STK32B: variants seen among roughly 807,000 people sequenced by gnomAD.
STK32B encodes the protein serine/threonine-protein kinase 32B.
STK32B carries 43 observed loss-of-function variants against 52.6 expected under a neutral mutation model. The ratio of observed to expected loss-of-function variants is 0.82; its 90% CI spans 0.64 to 1.05. The LOEUF is 1.05. Ranked by LOEUF, STK32B falls within the 50% of genes least tolerant of loss-of-function variation. The probability of loss-of-function intolerance (pLI) is 0.00; values close to 1 mark genes in which losing one functional copy is unlikely to be tolerated. For missense variants in STK32B, 621 were observed against 534.6 expected (o/e 1.16, Z -1.59); for synonymous variants, 238 against 204.3 (o/e 1.17, Z -1.41).
intron 1 of STK32B, among the ~76,000 whole-genome samples, chr4:5,092,075 T>C (rs575551560): frequency 1.3e-5 from 2 of 152,344 alleles, no homozygotes; most frequent in South Asian, 4.1e-4. Context: ...ACAGGTACAA[T>C]GCTTCTTGCT....
chr4:5,494,477 A>G (rs7682934), intron 11 of STK32B, among the ~76,000 whole-genome samples: 8,771 of 151,722 alleles, frequency 0.058, 846 homozygotes, highest in African/African-American at 0.2. Flanking sequence ...GTCTCTGCAC[A>G]TGAGATGGGT....
chr4:5,056,655 G>C (rs1162979041), intron 1 of STK32B, among the ~76,000 whole-genome samples: 3 of 152,226 alleles, frequency 2.0e-5, no homozygotes, highest in Non-Finnish European at 4.4e-5. Context: ...CTTTCTCATA[G>C]TAGTTGCAGA....
chr4:5,083,780 A>G (rs569666876), intron 1 of STK32B, among the ~76,000 whole-genome samples: 2 of 149,318 alleles, frequency 1.3e-5, no homozygotes, highest in Admixed American at 1.3e-4. Flanking sequence ...TCTCTTGCCC[A>G]GGCTGGAGTG....
chr4:5,169,382 C>G (rs1719153525), intron 3 of STK32B, among the ~76,000 whole-genome samples: 1 of 152,190 alleles, frequency 6.6e-6, no homozygotes, highest in Non-Finnish European at 1.5e-5. Context: ...CTGACCATTT[C>G]ATTCAGCGGA....
At chr4:5,220,834 T>G (rs1421479156) in intron 3 of STK32B, among the ~76,000 whole-genome samples, 1 of 152,146 alleles carries the variant, frequency 6.6e-6, no homozygotes, top group Non-Finnish European at 1.5e-5. Flanking sequence ...GTGGTGGCAG[T>G]GGGGATGGAA....
chr4:5,325,518 C>G (rs1284445966), intron 3 of STK32B, among the ~76,000 whole-genome samples: 4 of 152,032 alleles, frequency 2.6e-5, no homozygotes, highest in African/African-American at 7.2e-5. Flanking sequence ...GTGACTTGAT[C>G]TTTGTCTTCC....
intron 11 of STK32B, among the ~76,000 whole-genome samples, chr4:5,476,973 AG>A (rs1407371067): frequency 6.6e-6 from 1 of 152,004 alleles, no homozygotes; most frequent in African/African-American, 2.4e-5. Flanking sequence ...CAACCCTCTA[AG>A]GAAGTGTGGC....
chr4:5,127,044 G>C (rs1354141506), intron 1 of STK32B: 3 of 485,714 alleles, frequency 6.2e-6, no homozygotes, highest in Non-Finnish European at 1.2e-5. Flanking sequence ...TCAATGCTGA[G>C]ATAAAGGTGC....
chr4:5,232,321 G>A (rs575874086), intron 3 of STK32B, among the ~76,000 whole-genome samples: 2 of 152,196 alleles, frequency 1.3e-5, no homozygotes, highest in Non-Finnish European at 2.9e-5. Flanking sequence ...TAAGAGCATG[G>A]CAAAGTAATA....
In STK32B at chr4:5,395,489, C is replaced by T. The variant is rs569699535; in HGVS notation, c.435-2718C>T. On this transcript the variant is annotated intron_variant, in intron 4 of 11. Transcript: ENST00000282908. The surrounding 1 kb of genome is among the most constrained non-coding windows in gnomAD (Gnocchi z 4.4). ...CCTGACCATCTACCAAAACTAGGGT[C>T]CCTCTATTAGTCTTTTTTCTAGACT... Among the ~76,000 whole-genome samples, 3 of 152,298 alleles carry T rather than the reference C, an allele frequency of 2.0e-5. No homozygotes were observed. The South Asian group carries it at 6.2e-4, about 32-fold the overall frequency.
At chr4:5,254,886 T>C (rs192429715) in intron 3 of STK32B, among the ~76,000 whole-genome samples, 2 of 152,032 alleles carry the variant, frequency 1.3e-5, no homozygotes, top group East Asian at 3.9e-4. Context: ...TCTTTGTTTT[T>C]CTTTTGAGTT....
At chr4:5,230,067 A>G (rs1724147026) in intron 3 of STK32B, among the ~76,000 whole-genome samples, 1 of 151,080 alleles carries the variant, frequency 6.6e-6, no homozygotes, top group African/African-American at 2.4e-5. Flanking sequence ...ATCTTGGCTC[A>G]CTGCAATGTC....
chr4:5,037,343 G>T, the STK32B span, among the ~76,000 whole-genome samples: 1 of 152,130 alleles, frequency 6.6e-6, no homozygotes, highest in African/African-American at 2.4e-5. Context: ...CCTGGTAGGC[G>T]GCAAACACTC....
At chr4:5,285,456 A>G (rs1451049232) in intron 3 of STK32B, among the ~76,000 whole-genome samples, 1 of 152,228 alleles carries the variant, frequency 6.6e-6, no homozygotes, top group Non-Finnish European at 1.5e-5. Context: ...GATGAAAAGC[A>G]TGAAGATAGT....
intron 2 of STK32B, among the ~76,000 whole-genome samples, chr4:5,147,266 A>G (rs1289513603): frequency 1.3e-5 from 2 of 152,138 alleles, no homozygotes; most frequent in East Asian, 3.8e-4. Flanking sequence ...AAAATACAAT[A>G]AAATTTTTGT....
In STK32B at chr4:5,378,542, A is replaced by G. The variant is rs1230065158; in HGVS notation, c.435-19665A>G. Among the ~76,000 whole-genome samples, 1 of 150,812 alleles carries G rather than the reference A, an allele frequency of 6.6e-6. No individual in the cohort carries two copies. Among genetic ancestry groups the G allele is most frequent in the African/African-American group, 2.4e-5 (1 of 40,940 alleles). On this transcript the variant is annotated intron_variant, in intron 4 of 11. Coordinates refer to ENST00000282908, the MANE Select transcript of STK32B (RefSeq NM_018401.3). This position sits in a 1 kb window ranked among gnomAD's most constrained non-coding sequence, Gnocchi z 4.4. ...TCTTTCTGTTTTCTTCTTTTTTTGC[A>G]TTCTATAGTATTGATAGGGTTTGTT...
chr4:5,137,650 C>T (rs891150432), intron 1 of STK32B, among the ~76,000 whole-genome samples: 1 of 152,124 alleles, frequency 6.6e-6, no homozygotes, highest in African/African-American at 2.4e-5. Context: ...TAAATGATGC[C>T]GCTAATGACA....
chr4:5,398,728 G>T lies in STK32B; in HGVS notation c.472+484G>T, dbSNP rs1737086554. Among the ~76,000 whole-genome samples, 1 of 152,164 alleles carries T rather than the reference G, an allele frequency of 6.6e-6. No homozygotes were observed. The highest frequency in any genetic ancestry group is 1.5e-5 in the Non-Finnish European group (1 of 68,046). ...CCACTAAGCATTTACTCATCTATCG[G>T]CTATGTCAGGCTTCTCAAAATTTCC... On this transcript the variant is annotated intron_variant, in intron 5 of 11. Coordinates refer to ENST00000282908, the MANE Select transcript of STK32B (RefSeq NM_018401.3). The surrounding 1 kb of genome is among the most constrained non-coding windows in gnomAD (Gnocchi z 4.9).
intron 3 of STK32B, among the ~76,000 whole-genome samples, chr4:5,249,154 G>A (rs183831768): frequency 1.4e-3 from 213 of 152,248 alleles, no homozygotes; most frequent in African/African-American, 4.6e-3. Context: ...TTGCTCTCCT[G>A]CTGCTGTTGC....
Sources: gnomAD v4.1 joint callset for allele counts (sites outside exome capture counted in the v4.1 genomes callset) on GRCh38, gnomAD v4.1.1 for gene constraint, Gnocchi (gnomAD v3.1) non-coding constraint, MANE v1.5 for transcripts, NCBI Gene and HGNC (gene_info 2026-07-23, HGNC 2026-07-21) for gene names.